The following RALGPS1 variants were observed in gnomAD, a reference collection of about 807,000 sequenced individuals.
RALGPS1 encodes the protein Ral GEF with PH domain and SH3 binding motif 1.
Under a neutral mutation model 78.8 loss-of-function variants are expected in RALGPS1, and 19 were observed. The observed-to-expected ratio is 0.24, with a 90% CI of 0.17 to 0.35. The LOEUF (loss-of-function observed/expected upper bound fraction) is 0.35. Ranked by LOEUF, RALGPS1 falls within the 10% of genes least tolerant of loss-of-function variation. The pLI is 1.00. For missense variants in RALGPS1, 454 were observed against 688.3 expected (o/e 0.66, Z 3.81); for synonymous variants, 228 against 256.3 (o/e 0.89, Z 1.06).
At chr9:127,134,741 A>G (rs1034820701) in intron 8 of RALGPS1, among the ~76,000 whole-genome samples, 1 of 152,208 alleles carries the variant, frequency 6.6e-6, no homozygotes, top group African/African-American at 2.4e-5. Context: ...TCTGTGAAAC[A>G]TGCTGCTTAT....
chr9:127,112,839 TA>T (rs2054981555), intron 8 of RALGPS1, among the ~76,000 whole-genome samples: 1 of 152,268 alleles, frequency 6.6e-6, no homozygotes, highest in South Asian at 2.1e-4. Context: ...TCTCCTTGAC[TA>T]ATGCTTGCAC....
rs1051279862 is a variant in RALGPS1 at position 127,221,275 on chromosome 9, G to A, written c.*2506G>A. On this transcript the variant is annotated 3_prime_UTR_variant, in exon 19 of 19. Transcript: ENST00000259351. ...CATGGGTAGACCCTCCCCCTGGAGG[G>A]AAGCATTTCTAGTTTTTGCTCCTTG... 7.2e-5 allele frequency: 11 copies of A among 152,262 alleles called. No homozygotes were observed. The highest frequency in any genetic ancestry group is 2.4e-4 in the African/African-American group (10 of 41,456). 9.4% of individuals were successfully genotyped at this position (152,262 alleles called of 1,614,324 possible).
chr9:127,110,846 A>C (rs755610413), intron 8 of RALGPS1, among the ~76,000 whole-genome samples: 2 of 152,104 alleles, frequency 1.3e-5, no homozygotes, highest in Admixed American at 1.3e-4. Flanking sequence ...CCCTGTTGCA[A>C]CCCACCTGCA....
chr9:126,958,126 T>TAAA (rs11290290), intron 1 of RALGPS1, among the ~76,000 whole-genome samples: 6 of 77,554 alleles, frequency 7.7e-5, no homozygotes, highest in East Asian at 8.6e-4. Context: ...GCTGTCTCTT[T>TAAA]AAAAAAAAAA....
chr9:127,086,337 A>G (rs1321189536), intron 8 of RALGPS1, among the ~76,000 whole-genome samples: 1 of 152,206 alleles, frequency 6.6e-6, no homozygotes, highest in Non-Finnish European at 1.5e-5. Flanking sequence ...GTCAATTTAT[A>G]TGTCCATCCA....
At chr9:126,962,184 T>C in intron 1 of RALGPS1, 41 bp from the exon 2 acceptor site, 1 of 1,122,036 alleles carries the variant, frequency 8.9e-7, no homozygotes, top group Non-Finnish European at 1.3e-6. Context: ...GGGATAAATT[T>C]GTTTTGAAGA....
At chr9:127,209,392 G>A (rs2062111616) in intron 14 of RALGPS1, among the ~76,000 whole-genome samples, 1 of 152,234 alleles carries the variant, frequency 6.6e-6, no homozygotes, top group South Asian at 2.1e-4. Flanking sequence ...CATGAGTCAT[G>A]TTCACTTGCT....
intron 8 of RALGPS1, among the ~76,000 whole-genome samples, chr9:127,084,315 A>T (rs1463301458): frequency 1.3e-5 from 2 of 152,104 alleles, no homozygotes; most frequent in Admixed American, 6.5e-5. Context: ...ACAGGGGAGG[A>T]AGAAGGGAGA....
At chr9:127,162,814 A>G (rs2059096437) in intron 8 of RALGPS1, among the ~76,000 whole-genome samples, 1 of 152,136 alleles carries the variant, frequency 6.6e-6, no homozygotes, top group Non-Finnish European at 1.5e-5. Flanking sequence ...TGCACCTTTC[A>G]TGTTGAGGGT....
intron 5 of RALGPS1, among the ~76,000 whole-genome samples, chr9:127,036,670 TG>T (rs1366046810): frequency 1.3e-5 from 2 of 152,214 alleles, no homozygotes; most frequent in African/African-American, 4.8e-5. Flanking sequence ...CCGAGTCCCT[TG>T]GGATTTGCTC....
chr9:127,039,106 G>A (rs1389388306), intron 5 of RALGPS1, among the ~76,000 whole-genome samples: 1 of 152,066 alleles, frequency 6.6e-6, no homozygotes, highest in Non-Finnish European at 1.5e-5. Flanking sequence ...GCAAATATTG[G>A]AGTCACCTGC....
intron 1 of RALGPS1, among the ~76,000 whole-genome samples, chr9:126,945,901 A>G (rs2037217629): frequency 6.6e-6 from 1 of 152,214 alleles, no homozygotes; most frequent in South Asian, 2.1e-4. Flanking sequence ...GAAGGGGAAG[A>G]TGCATTCTGT....
At chr9:126,958,996 T>C (rs1342834140) in intron 1 of RALGPS1, among the ~76,000 whole-genome samples, 8 of 152,126 alleles carry the variant, frequency 5.3e-5, no homozygotes, top group Admixed American at 4.6e-4. Flanking sequence ...ATGTGGTATC[T>C]CATTATGGTT....
intron 11 of RALGPS1, 37 bp from the exon 12 acceptor site, chr9:127,195,054 A>G (rs1314641378): frequency 3.7e-6 from 6 of 1,605,276 alleles, no homozygotes; most frequent in Admixed American, 1.7e-5. Context: ...CCCTCCCATC[A>G]TAACCCCCGT....
At chr9:127,087,809 GTCTGTAGCCA>G (rs1344835278) in intron 8 of RALGPS1, 1 of 152,270 alleles carries the variant, frequency 6.6e-6, no homozygotes, top group East Asian at 1.9e-4. Context: ...GGAATCTCTG[GTCTGTAGCCA>G]TCTGGGGGCT....
At chr9:127,151,191 A>G (rs2058398819) in intron 8 of RALGPS1, among the ~76,000 whole-genome samples, 1 of 151,830 alleles carries the variant, frequency 6.6e-6, no homozygotes, top group African/African-American at 2.4e-5. Context: ...TCAAAAAAAA[A>G]AGAGAGAAAA....
intron 4 of RALGPS1, among the ~76,000 whole-genome samples, chr9:127,013,025 A>C (rs866037338): frequency 6.6e-6 from 1 of 152,214 alleles, no homozygotes; most frequent in Non-Finnish European, 1.5e-5. Context: ...ACTTCCAGCT[A>C]GGACAACACA....
chr9:127,138,455 G>A (rs1329385486), intron 8 of RALGPS1, among the ~76,000 whole-genome samples: 1 of 152,188 alleles, frequency 6.6e-6, no homozygotes, highest in East Asian at 1.9e-4. Context: ...ATGACAGAGG[G>A]CAAATGGGCT....
At chr9:127,063,364 C>T (rs1181483114) in intron 7 of RALGPS1, among the ~76,000 whole-genome samples, 2 of 152,196 alleles carry the variant, frequency 1.3e-5, no homozygotes, top group Non-Finnish European at 2.9e-5. Flanking sequence ...TTGTGAGTCC[C>T]ATTTACCCTT....
Sources: gnomAD v4.1 joint callset for allele counts (sites outside exome capture counted in the v4.1 genomes callset) on GRCh38, gnomAD v4.1.1 for gene constraint, MANE v1.5 for transcripts, NCBI Gene and HGNC (gene_info 2026-07-23, HGNC 2026-07-21) for gene names.